The following SNAPC4 variants were observed in gnomAD, a reference collection of about 807,000 sequenced individuals.
SNAPC4 encodes the protein small nuclear RNA activating complex polypeptide 4.
Under a neutral mutation model 151.3 loss-of-function variants are expected in SNAPC4, and 127 were observed. That is an observed-to-expected ratio of 0.84 (90% CI 0.73 to 0.97). The LOEUF (loss-of-function observed/expected upper bound fraction) is 0.97, where lower values mean the gene tolerates loss of function less well. Among genes scored for constraint, SNAPC4 ranks in the 50% least tolerant of loss-of-function variants. The probability of loss-of-function intolerance (pLI) is 0.00; values close to 1 mark genes in which losing one functional copy is unlikely to be tolerated. For synonymous variants in SNAPC4, 1,002 were observed against 824.4 expected (o/e 1.22, Z -3.69); for missense variants, 2,186 against 1,935.0 (o/e 1.13, Z -2.43).
rs1310506492 is a variant in SNAPC4, at chr9:136,383,585, A to G, written c.1584T>C (p.Ser528=). The G allele has an allele frequency of 2.3e-5, 37 of 1,609,788 alleles. 1 individual carries two copies. The East Asian group carries it at 7.6e-4, about 33-fold the overall frequency. ...WSSTSSSGSS[S]GSSGGSSSSS... Reference sequence around the variant, plus strand: ...TGCTGCTGCTCCCTCCACTGCTGCCACTGCTGCTGCCGCTGCTGCTGGTAG... The same window carrying G: ...TGCTGCTGCTCCCTCCACTGCTGCCGCTGCTGCTGCCGCTGCTGCTGGTAG... The change falls in exon 16 of 24, where the codon AGT becomes AGC. Residue 528 remains serine, a synonymous_variant. Transcript: ENST00000684778. The surrounding 1 kb of genome is among the most constrained non-coding windows in gnomAD (Gnocchi z 4.2).
At position 136,399,740 on chromosome 9, in the gene SNAPC4, A is replaced by G. The variant is rs562762770; in HGVS notation, c.-10+394T>C. Among the ~76,000 whole-genome samples the G allele has an allele frequency of 1.4e-3, 215 of 152,230 alleles. 1 individual carries two copies. The highest frequency in any genetic ancestry group is 1.3e-3 in the Non-Finnish European group (90 of 67,996). The stretch of plus-strand genomic sequence containing the variant: ...GCGCCAGGACGATGGGCGTTTAGGC[A>G]CTGGCTTGGGAGACAGACCCGGCCC... On this transcript the variant is annotated intron_variant, in intron 1 of 23. Transcript: ENST00000684778.
chr9:136,383,912 C>T lies in SNAPC4; in HGVS notation c.1500+41G>A. On this transcript the variant is annotated intron_variant, in intron 15 of 23. Transcript: ENST00000684778. The surrounding 1 kb of genome is among the most constrained non-coding windows in gnomAD (Gnocchi z 4.2). ...CTGCTGGACCCCCCAGTTGACCAGG[C>T]CATTGTCTGGTTTCAGATAAAGAAG... 1 of 1,565,900 alleles carries T rather than the reference C, an allele frequency of 6.4e-7. No individual in the cohort carries two copies. The highest frequency in any genetic ancestry group is 8.8e-7 in the Non-Finnish European group (1 of 1,137,100).
chr9:136,397,668 C>T (rs1255416874), intron 2 of SNAPC4, among the ~76,000 whole-genome samples: 18 of 47,316 alleles, frequency 3.8e-4, no homozygotes, highest in Non-Finnish European at 6.5e-4. Flanking sequence ...GAGGGGAGCA[C>T]GTGGGGAGGG....
In SNAPC4 at chr9:136,383,584, CACTGCTGCT is replaced by C. The variant is rs1833785397; in HGVS notation, c.1576_1584del (p.Ser526_Ser528del). On this transcript the variant is annotated inframe_deletion, in exon 16 of 24. Coordinates refer to ENST00000684778, the MANE Select transcript of SNAPC4 (RefSeq NM_003086.4). This position sits in a 1 kb window ranked among gnomAD's most constrained non-coding sequence, Gnocchi z 4.2. ...CTGCTGCTGCTCCCTCCACTGCTGCCACTGCTGCTGCCGCTGCTGCTGGTAGAGCTCCAC... is the reference window on the plus strand; with the variant it reads ...CTGCTGCTGCTCCCTCCACTGCTGCCGCCGCTGCTGCTGGTAGAGCTCCAC... 1.2e-6 allele frequency: 2 copies of C among 1,610,000 alleles called. No homozygotes were observed. Among genetic ancestry groups the C allele is most frequent in the African/African-American group, 2.7e-5 (2 of 74,870 alleles).
rs139173071 is a variant in SNAPC4, at chr9:136,382,079, A to G, written c.2068-6T>C. On this transcript the variant is annotated splice_region_variant and splice_polypyrimidine_tract_variant and intron_variant, in intron 17 of 23. Transcript: ENST00000684778. ...GGCTGCCTCAGCTGCTCTTTCTGTA[A>G]GGAGAAGGCAGCACCTGGGGCCCAT... 282 of 1,574,994 alleles carry G rather than the reference A, an allele frequency of 1.8e-4. 2 individuals are homozygous for G. In the East Asian group the frequency reaches 6.6e-3, roughly 37 times the overall value.
intron 13 of SNAPC4, among the ~76,000 whole-genome samples, chr9:136,386,973 G>A (rs891730995): frequency 2.0e-5 from 3 of 151,714 alleles, no homozygotes; most frequent in Admixed American, 1.3e-4. Context: ...GTTTTGACCT[G>A]GCCTCAAGTG....
rs778693719 is a variant in SNAPC4 at position 136,380,771 on chromosome 9, C to CCAGCCTGGGG, written c.2458_2467dup (p.Gly823AlafsTer220). On this transcript the variant is annotated frameshift_variant, in exon 20 of 24. Transcript: ENST00000684778. LOFTEE classifies it high-confidence loss of function. ...AAGATGAACTGGTGGGTCCCGAGCA[C>CCAGCCTGGGG]CAGCCTGGGGCAGCCTGGGTGGCAG... The CCAGCCTGGGG allele has an allele frequency of 1.2e-6, 2 of 1,610,778 alleles. No individual in the cohort carries two copies. The highest frequency in any genetic ancestry group is 2.2e-5 in the East Asian group (1 of 44,862).
chr9:136,384,816 T>G lies in SNAPC4; in HGVS notation c.1326-2A>C, dbSNP rs1163633863. The G allele has an allele frequency of 6.4e-7, 1 of 1,553,598 alleles. No individual in the cohort carries two copies. Among genetic ancestry groups the G allele is most frequent in the African/African-American group, 1.4e-5 (1 of 72,734 alleles). ...CTGAAATGTAATCTCCTGAGATACCTGAACGTGACATGAAAAGCAAAGAAC... is the reference window on the plus strand; with the variant it reads ...CTGAAATGTAATCTCCTGAGATACCGGAACGTGACATGAAAAGCAAAGAAC... On this transcript the variant is annotated splice_acceptor_variant, in intron 13 of 23. Coordinates refer to ENST00000684778, the MANE Select transcript of SNAPC4 (RefSeq NM_003086.4). LOFTEE classifies it high-confidence loss of function.
intron 16 of SNAPC4, 93 bp from the exon 17 acceptor site, chr9:136,382,429 C>A: frequency 9.3e-7 from 1 of 1,075,304 alleles, no homozygotes; most frequent in Non-Finnish European, 1.4e-6. Flanking sequence ...GCCTCTTCAC[C>A]CAGGCTCCAA....
Position 136,394,263 on chromosome 9 carries a change from C to A in SNAPC4, c.618G>T (p.Gln206His), listed in dbSNP as rs950600230. 4.3e-6 allele frequency: 7 copies of A among 1,613,584 alleles called. No homozygotes were observed. The highest frequency in any genetic ancestry group is 5.9e-6 in the Non-Finnish European group (7 of 1,179,748). The change falls in exon 7 of 24, where the codon CAG (glutamine) becomes CAT (histidine). Residue 206 changes from glutamine (Q) to histidine (H), a missense_variant. Physicochemically the swap from Gln to His is conservative, Grantham distance 24 (BLOSUM62 0). Coordinates refer to ENST00000684778, the MANE Select transcript of SNAPC4 (RefSeq NM_003086.4). ...TTTAGACTTACTTCAGTAACTTGGG[C>A]TGAAGCAATCGCTGCAGGCGGTCAC... ...VVSDRLQRLL[Q>H]PKLLKLEYLH...
chr9:136,394,835 C>T lies in SNAPC4; in HGVS notation c.515G>A (p.Gly172Glu). 1.2e-6 allele frequency: 2 copies of T among 1,613,968 alleles called. No homozygotes were observed. Among genetic ancestry groups the T allele is most frequent in the Non-Finnish European group, 1.7e-6 (2 of 1,180,004 alleles). The change falls in exon 6 of 24, where the codon GGG becomes GAG. Residue 172 changes from glycine (G) to glutamate (E), a missense_variant. Transcript: ENST00000684778. ...AAGGAGCTCCTCGAAAGCCTTGATC[C>T]CCTGGGCAGCCTTCTCTCGTGTGTC... is the stretch of plus-strand genomic sequence containing the variant. ...NEDTREKAAQ[G>E]IKAFEELLVT... is the part of the protein sequence containing the mutation.
intron 11 of SNAPC4, 94 bp downstream of exon 11, chr9:136,388,350 T>G (rs1833960024): frequency 1.5e-6 from 2 of 1,327,988 alleles, no homozygotes; most frequent in Admixed American, 1.9e-5. Context: ...TCGTCTGTCT[T>G]GTTGCTTCTC....
chr9:136,384,028 G>T lies in SNAPC4; in HGVS notation c.1425C>A (p.His475Gln). The change falls in exon 15 of 24, where the codon CAC (histidine) becomes CAA (glutamine). Residue 475 changes from histidine (H) to glutamine (Q), a missense_variant. Transcript: ENST00000684778. ...IELIEKYGVG[H>Q]WAKIASELPH... ...GCAGCTCAGAAGCTATTTTTGCCCA[G>T]TGACCTGCAAAAGCCAAACCCCATG... The T allele has an allele frequency of 1.2e-6, 2 of 1,613,450 alleles. No homozygotes were observed. Among genetic ancestry groups the T allele is most frequent in the Non-Finnish European group, 1.7e-6 (2 of 1,179,764 alleles).
chr9:136,381,772 T>C lies in SNAPC4; in HGVS notation c.2317+52A>G. On this transcript the variant is annotated intron_variant, in intron 18 of 23. Transcript: ENST00000684778. ...CCGTCTGCTAGGCTGGATGTACTCT[T>C]CATCCTCACCCCTCGCCCCCAGGAT... The C allele has an allele frequency of 4.5e-6, 7 of 1,570,488 alleles. No homozygotes were observed. In the South Asian group the frequency reaches 8.2e-5, roughly 18 times the overall value.
Position 136,379,305 on chromosome 9 carries a change from G to A in SNAPC4, c.2528-6C>T, listed in dbSNP as rs1833603480. 6.2e-7 allele frequency: 1 copy of A among 1,612,134 alleles called. No homozygotes were observed. The highest frequency in any genetic ancestry group is 1.1e-5 in the South Asian group (1 of 91,030). On this transcript the variant is annotated splice_region_variant and splice_polypyrimidine_tract_variant and intron_variant, in intron 21 of 23. Transcript: ENST00000684778. Reference sequence around the variant, plus strand: ...CACGTTTGGGAAGAGGTGGCCTGTGGGGAGGAAAGACCCACACTTGATAAG... The same window carrying A: ...CACGTTTGGGAAGAGGTGGCCTGTGAGGAGGAAAGACCCACACTTGATAAG...
At chr9:136,397,926 G>A (rs1234739526) in intron 2 of SNAPC4, among the ~76,000 whole-genome samples, 2 of 152,098 alleles carry the variant, frequency 1.3e-5, no homozygotes, top group South Asian at 4.1e-4. Context: ...ACCCTGGGAT[G>A]CCTAGAGCCC....
chr9:136,380,748 G>T lies in SNAPC4; in HGVS notation c.2491C>A (p.Leu831Ile). The part of the protein sequence containing the change: ...QAGARDPPVH[L>I]LQASSSAQST... ...CCCCAAGTGCCTGCTACCTGCAGAAGATGAACTGGTGGGTCCCGAGCACCA... is the reference window on the plus strand; with the variant it reads ...CCCCAAGTGCCTGCTACCTGCAGAATATGAACTGGTGGGTCCCGAGCACCA... Residue 831 changes from leucine (L) to isoleucine (I), a missense_variant, in exon 20 of 24, where the codon CTT becomes ATT. By Grantham distance (5) the Leu-to-Ile change is conservative. Coordinates refer to ENST00000684778, the MANE Select transcript of SNAPC4 (RefSeq NM_003086.4). 1.3e-6 allele frequency: 2 copies of T among 1,583,878 alleles called. No individual in the cohort carries two copies. The highest frequency in any genetic ancestry group is 1.7e-6 in the Non-Finnish European group (2 of 1,153,686).
chr9:136,382,906 G>A (rs538321306), intron 16 of SNAPC4, among the ~76,000 whole-genome samples: 1 of 152,148 alleles, frequency 6.6e-6, no homozygotes, highest in East Asian at 1.9e-4. Flanking sequence ...TGCTGCCTCT[G>A]CCCTCCCCAA....
chr9:136,380,347 C>T (rs1321437037), intron 20 of SNAPC4, among the ~76,000 whole-genome samples: 2 of 152,192 alleles, frequency 1.3e-5, no homozygotes, highest in East Asian at 3.8e-4. Flanking sequence ...CACTGCTGTT[C>T]CTGCTCCTCC....
Sources: gnomAD v4.1 joint callset for allele counts (sites outside exome capture counted in the v4.1 genomes callset) on GRCh38, gnomAD v4.1.1 for gene constraint, Gnocchi (gnomAD v3.1) non-coding constraint, MANE v1.5 for transcripts, NCBI Gene and HGNC (gene_info 2026-07-23, HGNC 2026-07-21) for gene names.